Variants in COPZ2 observed in about 807,000 individuals in gnomAD.
COPZ2 encodes the protein coat protein complex I subunit zeta 2.
In COPZ2, 30 loss-of-function variants were observed where a neutral mutation model predicts 33.2. The ratio of observed to expected loss-of-function variants is 0.90; its 90% confidence interval spans 0.68 to 1.23. The LOEUF (loss-of-function observed/expected upper bound fraction) is 1.23. Among genes scored for constraint, COPZ2 ranks in the 50% most tolerant of loss-of-function variants. The pLI is 0.00. For synonymous variants in COPZ2, 89 were observed against 102.6 expected, an observed-to-expected ratio of 0.87 and a Z score of 0.80; for missense variants, 263 against 262.4, an observed-to-expected ratio of 1.00 and a Z score of -0.02.
upstream of COPZ2, chr17:48,037,921 C>T (rs1342221929): frequency 1.8e-5 from 16 of 871,940 alleles, no homozygotes; most frequent in Non-Finnish European, 2.1e-5. This position sits in a 1 kb window ranked among gnomAD's most constrained non-coding sequence, Gnocchi z 5.6. Context: ...CCCCCATCTC[C>T]CCTCCCGCCC....
chr17:48,030,072 T>C (rs1052617965), intron 6 of COPZ2, among the ~76,000 whole-genome samples: 7 of 151,596 alleles, frequency 4.6e-5, no homozygotes, highest in Non-Finnish European at 1.0e-4. Context: ...GATCACAAGG[T>C]GAAGAGTTCG....
chr17:48,047,937 C>T, the COPZ2 span: 2 of 152,304 alleles, frequency 1.3e-5, no homozygotes, highest in South Asian at 2.1e-4. Context: ...GAGGGTGTTC[C>T]GCACTCTGGC....
upstream of COPZ2, among the ~76,000 whole-genome samples, chr17:48,040,965 C>T (rs1294006192): frequency 6.6e-6 from 1 of 151,612 alleles, no homozygotes; most frequent in Non-Finnish European, 1.5e-5. Flanking sequence ...GCCTGGCCAA[C>T]ATGGTGAAAC....
At chr17:48,033,019 A>T in intron 4 of COPZ2, 192 bp downstream of exon 4, 1 of 598,658 alleles carries the variant, frequency 1.7e-6, no homozygotes, top group Non-Finnish European at 3.0e-6. Context: ...CTGGTTCCCA[A>T]GGAAACTAAG....
rs968256897 is a variant in COPZ2, at chr17:48,037,485, A to C, written c.111+182T>G. Among the ~76,000 whole-genome samples the C allele has an allele frequency of 6.6e-6, 1 of 152,184 alleles. No homozygotes were observed. The highest frequency in any genetic ancestry group is 2.4e-5 in the African/African-American group (1 of 41,450). The stretch of plus-strand genomic sequence containing the variant: ...AGCCCCGCGCCGACGGACTCAGGAC[A>C]GGCCTCCTCTCCGGTCGGCGCTGGG... On this transcript the variant is annotated intron_variant, in intron 1 of 8. Transcript: ENST00000621465. This position sits in a 1 kb window ranked among gnomAD's most constrained non-coding sequence, Gnocchi z 5.6.
chr17:48,044,762 G>A, the COPZ2 span, among the ~76,000 whole-genome samples: 1 of 151,990 alleles, frequency 6.6e-6, no homozygotes, highest in African/African-American at 2.4e-5. Context: ...CCATATGTCC[G>A]GATTTGCCAG....
rs2036939154 is a variant in COPZ2, at chr17:48,033,937, TC to T, written c.193del (p.Asp65MetfsTer7). ...CTCCTTCATGGAGGGGAATGTGTCA[TC>T]ATAATACTATGAGAAAGGGAAGGAG... Reference protein sequence around the residue: ...DGRRLLAKYYDDTFPSMKEQM... With the variant: ...DGRRLLAKYYXDTFPSMKEQM... On this transcript the variant is annotated frameshift_variant, in exon 3 of 9. Coordinates refer to ENST00000621465, the MANE Select transcript of COPZ2 (RefSeq NM_016429.4). LOFTEE classifies it high-confidence loss of function. 6.2e-7 allele frequency: 1 copy of T among 1,606,840 alleles called. No individual in the cohort carries two copies. The highest frequency in any genetic ancestry group is 1.7e-5 in the Admixed American group (1 of 59,498).
At chr17:48,040,921 G>A (rs1190115537), upstream of COPZ2, among the ~76,000 whole-genome samples, 8 of 151,530 alleles carry the variant, frequency 5.3e-5, no homozygotes, top group South Asian at 6.3e-4. Context: ...AGGCCAAGGC[G>A]GGCAGATCAC....
At chr17:48,029,866 G>A (rs1307863772) in intron 6 of COPZ2, among the ~76,000 whole-genome samples, 1 of 151,988 alleles carries the variant, frequency 6.6e-6, no homozygotes, top group African/African-American at 2.4e-5. Flanking sequence ...TAATTGGGAG[G>A]GTGAGGCAGG....
upstream of COPZ2, among the ~76,000 whole-genome samples, chr17:48,040,855 A>T (rs143078635): frequency 2.9e-3 from 437 of 152,064 alleles, 1 homozygote; most frequent in African/African-American, 0.01. Context: ...GTACCTATCA[A>T]TGATACCATA....
In COPZ2 at chr17:48,028,293, C is replaced by T. The variant is rs997247390; in HGVS notation, c.585+179G>A. Among the ~76,000 whole-genome samples, 3 of 152,152 alleles carry T rather than the reference C, an allele frequency of 2.0e-5. No homozygotes were observed. The highest frequency in any genetic ancestry group is 7.2e-5 in the African/African-American group (3 of 41,436). The stretch of plus-strand genomic sequence containing the variant: ...CCCAGCTCCCCTGAGTTGGAGAGCC[C>T]GGAGGCCTCCAGTGAGTCTTTCCAA... On this transcript the variant is annotated intron_variant, in intron 8 of 8. Transcript: ENST00000621465. The surrounding 1 kb of genome is among the most constrained non-coding windows in gnomAD (Gnocchi z 4.5).
chr17:48,026,324 G>T lies in COPZ2; in HGVS notation c.*104C>A. On this transcript the variant is annotated 3_prime_UTR_variant, in exon 9 of 9. Transcript: ENST00000621465. ...AGACCTTAGGAGTCAGTTCTGGGAG[G>T]GACCTGGGGATACAGAGGGGTCTCT... The T allele has an allele frequency of 2.2e-6, 2 of 889,818 alleles. No individual in the cohort carries two copies. Among genetic ancestry groups the T allele is most frequent in the Non-Finnish European group, 1.8e-6 (1 of 554,492 alleles). 55.1% of individuals were successfully genotyped at this position (889,818 alleles called of 1,614,324 possible). A position where few individuals can be genotyped will look rare whatever the true frequency, so the allele number is the denominator to read the frequency against.
chr17:48,037,297 C>CG lies in COPZ2; in HGVS notation c.111+369dup, dbSNP rs753583985. The CG allele has an allele frequency of 6.1e-6, 3 of 490,458 alleles. No individual in the cohort carries two copies. The highest frequency in any genetic ancestry group is 5.1e-5 in the South Asian group (3 of 58,282). 30.4% of individuals were successfully genotyped at this position (490,458 alleles called of 1,614,324 possible). ...CTGATCCCTGGCCGGGCTGGACCTG[C>CG]GCTATCAGCGCGCCCCCAGGCCCTG... On this transcript the variant is annotated intron_variant, in intron 1 of 8. Transcript: ENST00000621465. The surrounding 1 kb of genome is among the most constrained non-coding windows in gnomAD (Gnocchi z 5.6).
At chr17:48,046,281 C>T in the COPZ2 span, 2 of 152,228 alleles carry the variant, frequency 1.3e-5, no homozygotes, top group Non-Finnish European at 2.9e-5. Context: ...TGTAGTTAAA[C>T]ACTGTAGTTG....
chr17:48,037,103 C>A lies in COPZ2; in HGVS notation c.112-178G>T, dbSNP rs1203158469. On this transcript the variant is annotated intron_variant, in intron 1 of 8. Coordinates refer to ENST00000621465, the MANE Select transcript of COPZ2 (RefSeq NM_016429.4). The surrounding 1 kb of genome is among the most constrained non-coding windows in gnomAD (Gnocchi z 5.6). ...GGCCAACCCAGGTGCCCACTCCACT[C>A]CCAGGCAGATGTTCCACTGCAGGCC... The A allele has an allele frequency of 6.5e-6, 5 of 772,208 alleles. No homozygotes were observed. The East Asian group carries it at 9.8e-5, about 15-fold the overall frequency. The allele number at this position is 772,208 out of a possible 1,614,324, so 47.8% of individuals were successfully genotyped here.
rs537288158 is a variant in COPZ2 at position 48,026,484 on chromosome 17, G to A, written c.586-9C>T. 5 of 1,602,902 alleles carry A rather than the reference G, an allele frequency of 3.1e-6. No homozygotes were observed. In the African/African-American group the frequency reaches 5.3e-5, roughly 17 times the overall value. ...TTGGCAGACTGAAGAACCTGGGGTGGGGTGGGGGAGGTTGAGAGAGAATTG... is the reference window on the plus strand; with the variant it reads ...TTGGCAGACTGAAGAACCTGGGGTGAGGTGGGGGAGGTTGAGAGAGAATTG... On this transcript the variant is annotated splice_polypyrimidine_tract_variant and intron_variant, in intron 8 of 8. Coordinates refer to ENST00000621465, the MANE Select transcript of COPZ2 (RefSeq NM_016429.4).
chr17:48,036,996 T>C, intron 1 of COPZ2, 71 bp from the exon 2 acceptor site: 1 of 1,355,714 alleles, frequency 7.4e-7, no homozygotes, highest in Non-Finnish European at 1.1e-6. Context: ...TGGGATCTGC[T>C]GGCCCTAGGA....
chr17:48,044,362 A>C, the COPZ2 span, among the ~76,000 whole-genome samples: 1 of 149,234 alleles, frequency 6.7e-6, no homozygotes, highest in African/African-American at 2.5e-5. Flanking sequence ...AAAGTCAGAT[A>C]ATCATTCTAG....
chr17:48,033,378 C>T (rs1299687212), intron 3 of COPZ2, 76 bp from the exon 4 acceptor site: 1 of 806,264 alleles, frequency 1.2e-6, no homozygotes, highest in East Asian at 2.6e-5. Flanking sequence ...ATGTATGACT[C>T]TGTGACTCTC....
Sources: gnomAD v4.1 joint callset for allele counts (sites outside exome capture counted in the v4.1 genomes callset) on GRCh38, gnomAD v4.1.1 for gene constraint, Gnocchi (gnomAD v3.1) non-coding constraint, MANE v1.5 for transcripts, NCBI Gene and HGNC (gene_info 2026-07-23, HGNC 2026-07-21) for gene names.